ATP8A2: variants seen among roughly 807,000 people sequenced by gnomAD.
ATP8A2 encodes ATPase phospholipid transporting 8A2, also known as phospholipid-transporting ATPase IB.
In ATP8A2, 100 loss-of-function variants were observed where a neutral mutation model predicts 165.6. The ratio of observed to expected loss-of-function variants is 0.60; its 90% confidence interval spans 0.51 to 0.71. The LOEUF (loss-of-function observed/expected upper bound fraction) is 0.71, where lower values mean the gene tolerates loss of function less well. ATP8A2 is among the 30% of genes least tolerant of loss of function. The pLI, the probability that ATP8A2 is intolerant of heterozygous loss-of-function variation, is 0.00. For synonymous variants in ATP8A2, 543 were observed against 548.8 expected (o/e 0.99, Z 0.15); for missense variants, 1,227 against 1,479.5 (o/e 0.83, Z 2.80).
At chr13:25,467,590 G>A (rs2035704039) in intron 1 of ATP8A2, among the ~76,000 whole-genome samples, 1 of 147,972 alleles carries the variant, frequency 6.8e-6, no homozygotes, top group South Asian at 2.1e-4. Flanking sequence ...TCTCCTTGTC[G>A]CCCAGGCTGG....
intron 30 of ATP8A2, among the ~76,000 whole-genome samples, chr13:25,858,756 G>A (rs1038818925): frequency 1.3e-5 from 2 of 152,130 alleles, no homozygotes; most frequent in Non-Finnish European, 2.9e-5. Context: ...GCGGGCCACA[G>A]ACCAGAACTG....
At chr13:25,714,119 AAAGAAAGG>A (rs1222139194) in intron 25 of ATP8A2, among the ~76,000 whole-genome samples, 2 of 144,206 alleles carry the variant, frequency 1.4e-5, no homozygotes, top group Non-Finnish European at 3.0e-5. Context: ...CTGCTAAAAG[AAAGAAAGG>A]AAGGAAGGAA....
intron 1 of ATP8A2, among the ~76,000 whole-genome samples, chr13:25,460,826 TA>T (rs1365899611): frequency 1.3e-5 from 2 of 152,342 alleles, no homozygotes; most frequent in African/African-American, 4.8e-5. Flanking sequence ...ATCATTCTTA[TA>T]AGCCTATTTC....
chr13:25,453,176 G>A (rs2035274176), intron 1 of ATP8A2, among the ~76,000 whole-genome samples: 1 of 151,802 alleles, frequency 6.6e-6, no homozygotes, highest in Admixed American at 6.6e-5. Flanking sequence ...GCCCAGGCTG[G>A]AGTGCAATGG....
At chr13:25,427,053 G>A (rs1345376519) in intron 1 of ATP8A2, among the ~76,000 whole-genome samples, 1 of 152,210 alleles carries the variant, frequency 6.6e-6, no homozygotes, top group African/African-American at 2.4e-5. Flanking sequence ...GCCAGAGGGG[G>A]TGTGAGAGAG....
intron 24 of ATP8A2, among the ~76,000 whole-genome samples, chr13:25,639,859 C>T (rs9511850): frequency 0.12 from 18,928 of 152,142 alleles, 1,348 homozygotes; most frequent in Admixed American, 0.2. Flanking sequence ...GGAAGTAAAG[C>T]ACTCCTCAGC....
At chr13:25,766,080 T>G (rs1423587214) in intron 25 of ATP8A2, among the ~76,000 whole-genome samples, 2 of 152,188 alleles carry the variant, frequency 1.3e-5, no homozygotes, top group African/African-American at 4.8e-5. Context: ...AGTTCCTGTT[T>G]TACGCTCTCT....
chr13:25,669,123 T>G (rs1027768638), intron 24 of ATP8A2, among the ~76,000 whole-genome samples: 15 of 152,120 alleles, frequency 9.9e-5, no homozygotes, highest in Admixed American at 3.9e-4. Flanking sequence ...ATTTTTTTTT[T>G]GAAAACTAGT....
At chr13:26,007,934 T>A (rs1295564294) in intron 35 of ATP8A2, among the ~76,000 whole-genome samples, 2 of 152,110 alleles carry the variant, frequency 1.3e-5, no homozygotes, top group South Asian at 4.2e-4. Context: ...TTTTTCTCCT[T>A]AGATTGACAG....
chr13:25,961,303 C>T (rs1955653355), intron 33 of ATP8A2, among the ~76,000 whole-genome samples: 1 of 152,180 alleles, frequency 6.6e-6, no homozygotes, highest in Admixed American at 6.5e-5. Flanking sequence ...TTTAAGACAA[C>T]ATCCTGTTCG....
intron 2 of ATP8A2, among the ~76,000 whole-genome samples, chr13:25,510,367 A>G (rs546714830): frequency 1.3e-5 from 2 of 152,350 alleles, no homozygotes; most frequent in Admixed American, 1.3e-4. Context: ...AGAAAGAAAG[A>G]TGTTCTAGGA....
At chr13:25,439,890 G>A (rs2034884448) in intron 1 of ATP8A2, among the ~76,000 whole-genome samples, 1 of 148,904 alleles carries the variant, frequency 6.7e-6, no homozygotes, top group Non-Finnish European at 1.5e-5. Flanking sequence ...CTGGGCAGTA[G>A]AGCAAAACCC....
At chr13:25,506,521 G>A (rs1392354858) in intron 2 of ATP8A2, among the ~76,000 whole-genome samples, 1 of 152,184 alleles carries the variant, frequency 6.6e-6, no homozygotes, top group Non-Finnish European at 1.5e-5. Flanking sequence ...TGTTCCAGAT[G>A]TACCCATTTG....
At chr13:25,836,288 G>T (rs534863345) in intron 28 of ATP8A2, among the ~76,000 whole-genome samples, 52 of 152,282 alleles carry the variant, frequency 3.4e-4, no homozygotes, top group African/African-American at 1.3e-3. Context: ...GGTCAGGTCT[G>T]CTGGGGCCGA....
At chr13:25,502,939 T>C (rs563957282) in intron 2 of ATP8A2, among the ~76,000 whole-genome samples, 17 of 152,172 alleles carry the variant, frequency 1.1e-4, no homozygotes, top group Admixed American at 2.0e-4. Context: ...TGAGTGGTGG[T>C]TTTGTTTATT....
intron 35 of ATP8A2, among the ~76,000 whole-genome samples, chr13:25,987,224 CT>C (rs1379145403): frequency 6.6e-6 from 1 of 152,160 alleles, no homozygotes; most frequent in African/African-American, 2.4e-5. Context: ...TGCCGTAAAT[CT>C]TTTCACTGAC....
chr13:25,486,473 T>G (rs181254688), intron 2 of ATP8A2, among the ~76,000 whole-genome samples: 1 of 152,216 alleles, frequency 6.6e-6, no homozygotes, highest in African/African-American at 2.4e-5. Flanking sequence ...TTATGTGCCA[T>G]TTTTTTGAAC....
At chr13:25,376,545 T>G (rs1262918300) in intron 1 of ATP8A2, among the ~76,000 whole-genome samples, 1 of 152,230 alleles carries the variant, frequency 6.6e-6, no homozygotes, top group African/African-American at 2.4e-5. Flanking sequence ...TTTACCTCTG[T>G]TACAGATAAA....
At chr13:25,659,004 TATTAA>T (rs2041994080) in intron 24 of ATP8A2, among the ~76,000 whole-genome samples, 1 of 152,150 alleles carries the variant, frequency 6.6e-6, no homozygotes, top group East Asian at 1.9e-4. Flanking sequence ...ATTTGTGAAA[TATTAA>T]AGGTAGCAGG....
Sources: allele counts gnomAD v4.1 joint callset (sites outside exome capture counted in the v4.1 genomes callset), GRCh38; gene constraint gnomAD v4.1.1; transcripts MANE v1.5; gene names NCBI Gene and HGNC (gene_info 2026-07-23, HGNC 2026-07-21).